The following PCBP3 variants were observed in gnomAD, a reference collection of about 807,000 sequenced individuals.
PCBP3 encodes the protein poly(rC) binding protein 3.
PCBP3 carries 25 observed loss-of-function variants against 52.7 expected under a neutral mutation model. The observed-to-expected ratio is 0.47, with a 90% CI of 0.35 to 0.66. The LOEUF (loss-of-function observed/expected upper bound fraction) is 0.66. Among genes scored for constraint, PCBP3 ranks in the 30% least tolerant of loss-of-function variants. The pLI is 0.01. For synonymous variants in PCBP3, 162 were observed against 183.0 expected (o/e 0.89, Z 0.93); for missense variants, 391 against 490.3 (o/e 0.80, Z 1.91).
intron 2 of PCBP3, among the ~76,000 whole-genome samples, chr21:45,717,651 A>T (rs2084317051): frequency 6.6e-6 from 1 of 152,176 alleles, no homozygotes; most frequent in Non-Finnish European, 1.5e-5. Context: ...ATTTTTGGAT[A>T]TTAAGCCAAC....
chr21:45,890,812 G>A (rs1027810543), intron 5 of PCBP3, among the ~76,000 whole-genome samples: 1 of 151,718 alleles, frequency 6.6e-6, no homozygotes, highest in Non-Finnish European at 1.5e-5. Flanking sequence ...GTGTGCTGCT[G>A]AGAGGAATGT....
intron 2 of PCBP3, among the ~76,000 whole-genome samples, chr21:45,717,744 T>C (rs2084323360): frequency 1.3e-5 from 2 of 152,240 alleles, no homozygotes; most frequent in Admixed American, 1.3e-4. Context: ...CTAATATTTT[T>C]GTTGTGATGT....
At chr21:45,728,035 G>A (rs919147397) in intron 2 of PCBP3, among the ~76,000 whole-genome samples, 2 of 151,948 alleles carry the variant, frequency 1.3e-5, no homozygotes, top group African/African-American at 4.8e-5. Context: ...TTATTTCCTC[G>A]GTATCTTCAT....
Position 45,911,034 on chromosome 21 carries a change from C to G in PCBP3, c.600+4C>G. ...GATCTGTGTGGTCATGCTGGAGGTA[C>G]CGTCTGCGCGCCAGGGCCAGCCCAC... is the stretch of plus-strand genomic sequence containing the variant. On this transcript the variant is annotated splice_donor_region_variant and intron_variant, in intron 11 of 17. Transcript: ENST00000681687. 1 of 1,608,778 alleles carries G rather than the reference C, an allele frequency of 6.2e-7. No individual in the cohort carries two copies. The highest frequency in any genetic ancestry group is 8.5e-7 in the Non-Finnish European group (1 of 1,179,922).
chr21:45,847,731 T>C (rs1005019701), intron 4 of PCBP3, among the ~76,000 whole-genome samples: 4 of 152,232 alleles, frequency 2.6e-5, no homozygotes, highest in Non-Finnish European at 5.9e-5. Context: ...AGCTGGTCTT[T>C]TTGCCTGGAG....
At chr21:45,681,882 A>G (rs1253024216) in intron 2 of PCBP3, among the ~76,000 whole-genome samples, 1 of 152,174 alleles carries the variant, frequency 6.6e-6, no homozygotes, top group Non-Finnish European at 1.5e-5. Flanking sequence ...AATGAAAGAT[A>G]GAACATTAGA....
chr21:45,657,750 A>G (rs1040355400), intron 1 of PCBP3, among the ~76,000 whole-genome samples: 1 of 151,850 alleles, frequency 6.6e-6, no homozygotes, highest in South Asian at 2.1e-4. Context: ...TTGTCAGGTT[A>G]ACAATATTAA....
rs2093346102 is a variant in PCBP3 at position 45,827,814 on chromosome 21, C to G, written c.-125-22147C>G. The G allele has an allele frequency of 6.6e-6, 1 of 152,178 alleles. No homozygotes were observed. The highest frequency in any genetic ancestry group is 6.5e-5 in the Admixed American group (1 of 15,280). The allele number at this position is 152,178 out of a possible 1,614,324, so 9.4% of individuals were successfully genotyped here. A position where few individuals can be genotyped will look rare whatever the true frequency, so the allele number is the denominator to read the frequency against. ...AGATGGAGGAGTTGCCAGATTCATA[C>G]CAACAGGAGAAAGAAAATTTGGAAC... On this transcript the variant is annotated intron_variant, in intron 4 of 17. Coordinates refer to ENST00000681687, the MANE Select transcript of PCBP3 (RefSeq NM_001384156.1). The surrounding 1 kb of genome is among the most constrained non-coding windows in gnomAD (Gnocchi z 4.3).
At chr21:45,758,296 T>G (rs985132722) in intron 4 of PCBP3, among the ~76,000 whole-genome samples, 7 of 152,246 alleles carry the variant, frequency 4.6e-5, no homozygotes, top group Non-Finnish European at 8.8e-5. Context: ...TATTTTTTTT[T>G]GTCATTGTTG....
At chr21:45,933,164 TG>T (rs2149531352) in intron 15 of PCBP3, among the ~76,000 whole-genome samples, 2 of 152,106 alleles carry the variant, frequency 1.3e-5, no homozygotes, top group Non-Finnish European at 2.9e-5. Flanking sequence ...AATGAACACC[TG>T]GGCCATGCTG....
chr21:45,723,368 A>G (rs575925917), intron 2 of PCBP3, among the ~76,000 whole-genome samples: 2 of 152,374 alleles, frequency 1.3e-5, no homozygotes, highest in Non-Finnish European at 2.9e-5. Context: ...AGGCAACTTC[A>G]CTACCCTGGT....
At chr21:45,763,957 A>G (rs905969826) in intron 4 of PCBP3, among the ~76,000 whole-genome samples, 2 of 152,238 alleles carry the variant, frequency 1.3e-5, no homozygotes, top group Non-Finnish European at 2.9e-5. Context: ...ATGAGCTTCT[A>G]ATAATACGGT....
At chr21:45,937,525 G>C (rs1311580905) in intron 16 of PCBP3, among the ~76,000 whole-genome samples, 1 of 152,262 alleles carries the variant, frequency 6.6e-6, no homozygotes, top group East Asian at 1.9e-4. Context: ...TCTAGGAGGA[G>C]AGGCTGCAAT....
intron 5 of PCBP3, among the ~76,000 whole-genome samples, chr21:45,868,471 C>A (rs1487131202): frequency 6.8e-6 from 1 of 146,088 alleles, no homozygotes; most frequent in Admixed American, 7.0e-5. Flanking sequence ...CAATAAAAGC[C>A]ACAGGTCTGG....
intron 2 of PCBP3, among the ~76,000 whole-genome samples, chr21:45,672,033 A>C (rs2081204172): frequency 6.6e-6 from 1 of 152,080 alleles, no homozygotes; most frequent in African/African-American, 2.4e-5. Context: ...TAATCTTAAG[A>C]TGTGATTGGA....
At chr21:45,695,280 C>T (rs1245485907) in intron 2 of PCBP3, among the ~76,000 whole-genome samples, 1 of 152,184 alleles carries the variant, frequency 6.6e-6, no homozygotes, top group Admixed American at 6.5e-5. Context: ...GGCTTGTCAG[C>T]AGAGGGTGCT....
Position 45,800,513 on chromosome 21 carries a change from C to A in PCBP3, c.-126+45061C>A, listed in dbSNP as rs2146714490. Among the ~76,000 whole-genome samples, 1 of 152,284 alleles carries A rather than the reference C, an allele frequency of 6.6e-6. No individual in the cohort carries two copies. ...TCCTGAGGTGTGTGCCTGACCTGAC[C>A]CTGAGGCCCCCTCCCTGCCATGCCT... On this transcript the variant is annotated intron_variant, in intron 4 of 17. Transcript: ENST00000681687. This position sits in a 1 kb window ranked among gnomAD's most constrained non-coding sequence, Gnocchi z 5.3.
intron 7 of PCBP3, among the ~76,000 whole-genome samples, chr21:45,900,066 C>T (rs1476385716): frequency 2.0e-5 from 3 of 152,216 alleles, no homozygotes; most frequent in Non-Finnish European, 2.9e-5. Context: ...CCTGCTGCCC[C>T]GGGAGGCCGA....
chr21:45,888,360 C>T (rs2095571006), intron 5 of PCBP3, among the ~76,000 whole-genome samples: 2 of 152,240 alleles, frequency 1.3e-5, no homozygotes, highest in Admixed American at 6.5e-5. Context: ...ACTGGCGTTA[C>T]CTCCAGAGTG....
Sources: gnomAD v4.1 joint callset for allele counts (sites outside exome capture counted in the v4.1 genomes callset) on GRCh38, gnomAD v4.1.1 for gene constraint, Gnocchi (gnomAD v3.1) non-coding constraint, MANE v1.5 for transcripts, NCBI Gene and HGNC (gene_info 2026-07-23, HGNC 2026-07-21) for gene names.